Variants in ZNF525 observed in about 807,000 individuals in gnomAD.
ZNF525 encodes zinc finger protein 525.
A neutral mutation model predicts 37.6 loss-of-function variants in ZNF525; 33 were observed. The observed-to-expected ratio is 0.88, with a 90% CI of 0.67 to 1.17. ZNF525 has a LOEUF of 1.17. Among genes scored for constraint, ZNF525 ranks in the 50% most tolerant of loss-of-function variants. The pLI is 0.00. For synonymous variants in ZNF525, 170 were observed against 182.3 expected (o/e 0.93, Z 0.54); for missense variants, 449 against 543.1 (o/e 0.83, Z 1.72).
rs2085576499 is a variant in ZNF525, at chr19:53,382,769, T to G, written c.*750T>G. Reference sequence around the variant, plus strand: ...ATGTGACAAATTTTTCAGACATCGTTCATACCTTGCAGTTCACGGGCGAAC... The same window carrying G: ...ATGTGACAAATTTTTCAGACATCGTGCATACCTTGCAGTTCACGGGCGAAC... On this transcript the variant is annotated 3_prime_UTR_variant, in exon 4 of 4. Transcript: ENST00000474037. 1.1e-5 allele frequency: 11 copies of G among 970,816 alleles called. No homozygotes were observed. In the South Asian group the frequency reaches 1.3e-4, roughly 12 times the overall value. The allele number at this position is 970,816 out of a possible 1,614,324, so 60.1% of individuals were successfully genotyped here.
intron 3 of ZNF525, chr19:53,379,592 T>C (rs1290689979): frequency 2.0e-5 from 3 of 152,260 alleles, no homozygotes; most frequent in African/African-American, 7.2e-5. Flanking sequence ...AATGTACTTA[T>C]GATTTGCTTG....
At chr19:53,370,077 TA>T (rs947525442) in intron 1 of ZNF525, among the ~76,000 whole-genome samples, 4 of 151,218 alleles carry the variant, frequency 2.6e-5, no homozygotes, top group African/African-American at 4.9e-5. Flanking sequence ...TTTTCAAGGA[TA>T]GGGGTGATAA....
rs2085600365 is a variant in ZNF525, at chr19:53,385,658, G to C, written c.*3639G>C. On this transcript the variant is annotated 3_prime_UTR_variant, in exon 4 of 4. Transcript: ENST00000474037. ...GCTATGATCATGCCACTGCACTCCA[G>C]CATGGGTGATGGAGAGAGATACTGT... The C allele has an allele frequency of 6.5e-6, 1 of 154,644 alleles. No individual in the cohort carries two copies. The highest frequency in any genetic ancestry group is 2.4e-5 in the African/African-American group (1 of 41,456). 9.6% of individuals were successfully genotyped at this position (154,644 alleles called of 1,614,324 possible).
rs1280013868 is a variant in ZNF525 at position 53,381,284 on chromosome 19, T to C, written c.705T>C (p.Ile235=). Residue 235 remains isoleucine (I), a synonymous_variant, in exon 4 of 4, where the codon ATT becomes ATC. Coordinates refer to ENST00000474037, the MANE Select transcript of ZNF525 (RefSeq NM_001348156.2). ...NYSSLLRKHQ[I]IHLGEKQYKC... ...GCTCACTCTTAAGGAAACATCAGAT[T>C]ATTCATCTAGGAGAGAAACAATATA... 10 of 1,443,718 alleles carry C rather than the reference T, an allele frequency of 6.9e-6. No individual in the cohort carries two copies. The highest frequency in any genetic ancestry group is 8.8e-6 in the Non-Finnish European group (9 of 1,024,852). 89.4% of individuals were successfully genotyped at this position (1,443,718 alleles called of 1,614,324 possible). A position where few individuals can be genotyped will look rare whatever the true frequency, so the allele number is the denominator to read the frequency against.
Position 53,384,049 on chromosome 19 carries a change from T to C in ZNF525, c.*2030T>C. On this transcript the variant is annotated 3_prime_UTR_variant, in exon 4 of 4. Transcript: ENST00000474037. ...TCCTTGCAGAATATCAGAAAATTCA[T>C]TTTTCAGGTAATTGTTCCCAATGCA... 1 of 548,580 alleles carries C rather than the reference T, an allele frequency of 1.8e-6. No homozygotes were observed. The highest frequency in any genetic ancestry group is 2.4e-5 in the Admixed American group (1 of 42,440). The allele number at this position is 548,580 out of a possible 1,614,324, so 34.0% of individuals were successfully genotyped here. A position where few individuals can be genotyped will look rare whatever the true frequency, so the allele number is the denominator to read the frequency against.
At chr19:53,374,187 A>G (rs552079607) in intron 2 of ZNF525, among the ~76,000 whole-genome samples, 8 of 150,712 alleles carry the variant, frequency 5.3e-5, no homozygotes, top group Non-Finnish European at 1.0e-4. Context: ...CCAGCCCCCA[A>G]TAGTTATTTT....
At position 53,386,264 on chromosome 19, in the gene ZNF525, G is replaced by A. The variant is rs2085606310; in HGVS notation, c.*4245G>A. 1.5e-6 allele frequency: 1 copy of A among 665,976 alleles called. No individual in the cohort carries two copies. 41.3% of individuals were successfully genotyped at this position (665,976 alleles called of 1,614,324 possible). On this transcript the variant is annotated 3_prime_UTR_variant, in exon 4 of 4. Transcript: ENST00000474037. ...TCTCAGAAGACTTTCAGGATTAAGCGATTCCTGGCCAAGAAACAAAAGCAA... is the reference window on the plus strand; with the variant it reads ...TCTCAGAAGACTTTCAGGATTAAGCAATTCCTGGCCAAGAAACAAAAGCAA...
At chr19:53,376,285 A>G in intron 3 of ZNF525, 1 of 692,466 alleles carries the variant, frequency 1.4e-6, no homozygotes, top group Non-Finnish European at 2.6e-6. Context: ...GTGTGTCCTT[A>G]GGGCTAATAT....
Position 53,383,445 on chromosome 19 carries a change from G to A in ZNF525, c.*1426G>A, listed in dbSNP as rs2085582584. On this transcript the variant is annotated 3_prime_UTR_variant, in exon 4 of 4. Coordinates refer to ENST00000474037, the MANE Select transcript of ZNF525 (RefSeq NM_001348156.2). Reference sequence around the variant, plus strand: ...AGTTTACAGTCGCAAATCAAACCTCGAAAGACAGGAGAATTCATACTGGAG... The same window carrying A: ...AGTTTACAGTCGCAAATCAAACCTCAAAAGACAGGAGAATTCATACTGGAG... 1.3e-5 allele frequency: 13 copies of A among 1,024,792 alleles called. No homozygotes were observed. Among genetic ancestry groups the A allele is most frequent in the South Asian group, 2.5e-5 (2 of 78,646 alleles). 63.5% of individuals were successfully genotyped at this position (1,024,792 alleles called of 1,614,324 possible). A position where few individuals can be genotyped will look rare whatever the true frequency, so the allele number is the denominator to read the frequency against.
chr19:53,376,553 G>A (rs1015412778), intron 3 of ZNF525: 65 of 541,142 alleles, frequency 1.2e-4, no homozygotes, highest in Middle Eastern at 9.7e-4. Flanking sequence ...GTGTAGACAC[G>A]CTTTGACTCC....
intron 1 of ZNF525, among the ~76,000 whole-genome samples, chr19:53,371,953 T>C (rs533997803): frequency 4.1e-4 from 62 of 152,214 alleles, no homozygotes; most frequent in African/African-American, 1.4e-3. Context: ...CCAGCCTCTG[T>C]ATGAAGTTTG....
chr19:53,371,353 C>T (rs1380549579), intron 1 of ZNF525, among the ~76,000 whole-genome samples: 1 of 151,850 alleles, frequency 6.6e-6, no homozygotes, highest in Non-Finnish European at 1.5e-5. Context: ...TGTGTGCCAC[C>T]ACACTCAGCT....
chr19:53,383,076 A>G lies in ZNF525; in HGVS notation c.*1057A>G. The G allele has an allele frequency of 3.5e-6, 5 of 1,411,800 alleles. No homozygotes were observed. The highest frequency in any genetic ancestry group is 1.8e-4 in the Middle Eastern group (1 of 5,484). The allele number at this position is 1,411,800 out of a possible 1,614,324, so 87.5% of individuals were successfully genotyped here. On this transcript the variant is annotated 3_prime_UTR_variant, in exon 4 of 4. Transcript: ENST00000474037. ...ACTGGAGAGAACGCTTGCAAGTGTA[A>G]TAAATGTGGCGAGGTTTTTAATCAA... is the stretch of plus-strand genomic sequence containing the variant.
At chr19:53,378,997 G>A (rs1293984163) in intron 3 of ZNF525, among the ~76,000 whole-genome samples, 1 of 152,038 alleles carries the variant, frequency 6.6e-6, no homozygotes, top group Non-Finnish European at 1.5e-5. Flanking sequence ...TATATTTTAT[G>A]CATAGTGAAC....
chr19:53,366,163 T>TG (rs1555826044), intron 1 of ZNF525, among the ~76,000 whole-genome samples: 10 of 144,922 alleles, frequency 6.9e-5, no homozygotes, highest in Non-Finnish European at 1.1e-4. Context: ...GTTCTCTGCC[T>TG]GTCCTGGGAT....
rs1269231711 is a variant in ZNF525 at position 53,384,629 on chromosome 19, G to C, written c.*2610G>C. On this transcript the variant is annotated 3_prime_UTR_variant, in exon 4 of 4. Coordinates refer to ENST00000474037, the MANE Select transcript of ZNF525 (RefSeq NM_001348156.2). ...AATATGGAAATTCAACTAATTTTTG[G>C]TGCTGATACTGTATTGTGCAAATCC... 5.2e-6 allele frequency: 1 copy of C among 194,150 alleles called. No individual in the cohort carries two copies. The highest frequency in any genetic ancestry group is 1.0e-5 in the Non-Finnish European group (1 of 96,300). The allele number at this position is 194,150 out of a possible 1,614,324, so 12.0% of individuals were successfully genotyped here.
At position 53,380,804 on chromosome 19, in the gene ZNF525, A is replaced by G. The variant is rs753055939; in HGVS notation, c.225A>G (p.Gln75=). 1.5e-5 allele frequency: 22 copies of G among 1,423,232 alleles called. No individual in the cohort carries two copies. Among genetic ancestry groups the G allele is most frequent in the Non-Finnish European group, 2.1e-5 (21 of 1,006,164 alleles). 88.2% of individuals were successfully genotyped at this position (1,423,232 alleles called of 1,614,324 possible). A position where few individuals can be genotyped will look rare whatever the true frequency, so the allele number is the denominator to read the frequency against. Residue 75 remains glutamine, a synonymous_variant, in exon 4 of 4, where the codon CAA becomes CAG. Transcript: ENST00000474037. ...AAGTGATCCACACAGGGACATTGCA[A>G]AGACATGAACGTCATCACATTGGAG... ...NTEVIHTGTL[Q]RHERHHIGDF...
At chr19:53,375,483 G>A (rs575385699) in intron 2 of ZNF525, among the ~76,000 whole-genome samples, 1 of 152,186 alleles carries the variant, frequency 6.6e-6, no homozygotes, top group Non-Finnish European at 1.5e-5. Flanking sequence ...TACTCAGGAG[G>A]CTAAGGCAGG....
intron 1 of ZNF525, among the ~76,000 whole-genome samples, chr19:53,366,798 A>AG (rs552852597): frequency 0.32 from 44,597 of 139,214 alleles, 6,258 homozygotes; most frequent in Non-Finnish European, 0.36. Context: ...GAGTGGGGAC[A>AG]GGGGGTATAA....
Sources: gnomAD v4.1 joint callset for allele counts (sites outside exome capture counted in the v4.1 genomes callset) on GRCh38, gnomAD v4.1.1 for gene constraint, MANE v1.5 for transcripts, NCBI Gene and HGNC (gene_info 2026-07-23, HGNC 2026-07-21) for gene names.